Variants in PCDHA2 observed in about 807,000 individuals in gnomAD.
PCDHA2 encodes the protein protocadherin alpha-2.
PCDHA2 carries 58 observed loss-of-function variants against 66.0 expected under a neutral mutation model. The ratio of observed to expected loss-of-function variants is 0.88; its 90% CI spans 0.71 to 1.09. PCDHA2 has a LOEUF of 1.09. PCDHA2 is among the 50% of genes least tolerant of loss of function. The probability of loss-of-function intolerance (pLI) is 0.00; values close to 1 mark genes in which losing one functional copy is unlikely to be tolerated. For synonymous variants in PCDHA2, 634 were observed against 554.0 expected, an observed-to-expected ratio of 1.14 and a Z score of -2.03; for missense variants, 1,267 against 1,242.3, an observed-to-expected ratio of 1.02 and a Z score of -0.30.
chr5:140,926,919 A>C (rs782148872), intron 1 of PCDHA2: 2 of 1,566,668 alleles, frequency 1.3e-6, no homozygotes, highest in South Asian at 2.4e-5. Flanking sequence ...TGGCAGTTTT[A>C]TGTTTGTGGG....
At chr5:140,998,054 A>G (rs562918919) in intron 3 of PCDHA2, among the ~76,000 whole-genome samples, 37 of 152,304 alleles carry the variant, frequency 2.4e-4, no homozygotes, top group African/African-American at 8.9e-4. Flanking sequence ...CAGTGACATC[A>G]TCATCAACAG....
At chr5:140,994,726 G>A (rs774837274) in intron 3 of PCDHA2, among the ~76,000 whole-genome samples, 1 of 151,958 alleles carries the variant, frequency 6.6e-6, no homozygotes, top group Non-Finnish European at 1.5e-5. Flanking sequence ...TAAAATACTG[G>A]GTATTGCAGG....
chr5:140,794,880 G>T lies in PCDHA2; in HGVS notation c.-85G>T. 1 of 1,391,698 alleles carries T rather than the reference G, an allele frequency of 7.2e-7. No individual in the cohort carries two copies. The highest frequency in any genetic ancestry group is 9.8e-7 in the Non-Finnish European group (1 of 1,021,128). The allele number at this position is 1,391,698 out of a possible 1,614,324, so 86.2% of individuals were successfully genotyped here. A position where few individuals can be genotyped will look rare whatever the true frequency, so the allele number is the denominator to read the frequency against. On this transcript the variant is annotated 5_prime_UTR_variant, in exon 1 of 4. Coordinates refer to ENST00000526136, the MANE Select transcript of PCDHA2 (RefSeq NM_018905.3). ...TCAGAGAAGCGGAGGAATAAGAGAA[G>T]CAGCAGGACTTTAACAGAGACTAGA...
At chr5:140,992,044 T>A (rs1160444128) in intron 3 of PCDHA2, among the ~76,000 whole-genome samples, 1 of 151,788 alleles carries the variant, frequency 6.6e-6, no homozygotes, top group African/African-American at 2.4e-5. Flanking sequence ...TGTGTGTGTG[T>A]GTGTGTGTGT....
intron 1 of PCDHA2, chr5:140,827,833 A>G (rs1769423756): frequency 4.6e-6 from 2 of 432,110 alleles, no homozygotes; most frequent in Non-Finnish European, 8.0e-6. Context: ...AAAGTAGAGA[A>G]AAGAAGATAC....
intron 1 of PCDHA2, among the ~76,000 whole-genome samples, chr5:140,904,217 T>C (rs1554191375): frequency 6.6e-6 from 1 of 151,964 alleles, no homozygotes; most frequent in Non-Finnish European, 1.5e-5. Flanking sequence ...CCAAAGTCCA[T>C]TGTATTATAC....
chr5:140,914,619 T>G (rs1554196515), intron 1 of PCDHA2, among the ~76,000 whole-genome samples: 1 of 152,194 alleles, frequency 6.6e-6, no homozygotes, highest in African/African-American at 2.4e-5. Context: ...TTTTGTAATT[T>G]GTTTTCTCGT....
intron 3 of PCDHA2, among the ~76,000 whole-genome samples, chr5:140,984,059 C>G (rs1269975627): frequency 6.6e-6 from 1 of 152,108 alleles, no homozygotes; most frequent in East Asian, 1.9e-4. Context: ...CAAATCTGTA[C>G]CCTCAGTGCC....
At chr5:140,825,739 G>A (rs1335212262) in intron 1 of PCDHA2, 5 of 152,354 alleles carry the variant, frequency 3.3e-5, no homozygotes, top group Non-Finnish European at 5.9e-5. Context: ...TTATATTGAT[G>A]AGGAGTAACT....
At chr5:140,855,278 G>A (rs251360) in intron 1 of PCDHA2, among the ~76,000 whole-genome samples, 95,551 of 148,822 alleles carry the variant, frequency 0.64, 33,178 homozygotes, top group African/African-American at 0.69. Context: ...CTCAACCACC[G>A]TATTACTATT....
At chr5:140,923,275 C>CA (rs1328074482) in intron 1 of PCDHA2, among the ~76,000 whole-genome samples, 5 of 152,128 alleles carry the variant, frequency 3.3e-5, no homozygotes, top group African/African-American at 9.7e-5. Flanking sequence ...CTTGTCTCTA[C>CA]AAAAAATTAA....
In PCDHA2 at chr5:140,850,079, G is replaced by A. The variant is rs2150466050; in HGVS notation, c.2388+52727G>A. On this transcript the variant is annotated intron_variant, in intron 1 of 3. Coordinates refer to ENST00000526136, the MANE Select transcript of PCDHA2 (RefSeq NM_018905.3). ...TGCAGCCGTTGGACCACGAGGAGCTGGAGCTGCTACAGTTCCAGGTGAGCG... is the reference window on the plus strand; with the variant it reads ...TGCAGCCGTTGGACCACGAGGAGCTAGAGCTGCTACAGTTCCAGGTGAGCG... The A allele has an allele frequency of 1.6e-3, 2,619 of 1,596,602 alleles. 178 individuals are homozygous for A. In the African/African-American group the frequency reaches 0.028, roughly 17 times the overall value.
chr5:140,967,472 G>C (rs782183935), intron 1 of PCDHA2: 3 of 1,613,430 alleles, frequency 1.9e-6, no homozygotes, highest in Non-Finnish European at 2.5e-6. Flanking sequence ...GGGCATCCCA[G>C]CCCGCTCGGG....
chr5:140,990,055 C>T (rs1563562429), intron 3 of PCDHA2, among the ~76,000 whole-genome samples: 2 of 151,866 alleles, frequency 1.3e-5, no homozygotes, highest in Non-Finnish European at 1.5e-5. Context: ...GATGGTAATA[C>T]TTAAAGGAAA....
chr5:140,955,022 A>G (rs1468442096), intron 1 of PCDHA2, among the ~76,000 whole-genome samples: 2 of 152,182 alleles, frequency 1.3e-5, no homozygotes, highest in Non-Finnish European at 2.9e-5. Flanking sequence ...ACCATTTATT[A>G]AATAGGGAAT....
At chr5:140,887,072 C>T (rs1270434147) in intron 1 of PCDHA2, among the ~76,000 whole-genome samples, 1 of 151,836 alleles carries the variant, frequency 6.6e-6, no homozygotes, top group African/African-American at 2.4e-5. Context: ...CAAATTCACT[C>T]AGCTTTTGTC....
chr5:140,943,804 G>C (rs996208541), intron 1 of PCDHA2, among the ~76,000 whole-genome samples: 2 of 152,224 alleles, frequency 1.3e-5, no homozygotes, highest in Non-Finnish European at 2.9e-5. Flanking sequence ...AGCAAAAGAG[G>C]AAAGTTTGAA....
intron 1 of PCDHA2, chr5:140,857,957 G>T (rs2045052132): frequency 6.3e-7 from 1 of 1,597,294 alleles, no homozygotes; most frequent in African/African-American, 1.3e-5. Flanking sequence ...GCGCGCTCTG[G>T]ATGAGACTGA....
At chr5:140,904,303 G>A (rs1176685220) in intron 1 of PCDHA2, among the ~76,000 whole-genome samples, 3 of 151,902 alleles carry the variant, frequency 2.0e-5, no homozygotes, top group African/African-American at 7.3e-5. Flanking sequence ...CCATTCCTGA[G>A]TTTCTTCACT....
Sources: gnomAD v4.1 joint callset for allele counts (sites outside exome capture counted in the v4.1 genomes callset) on GRCh38, gnomAD v4.1.1 for gene constraint, MANE v1.5 for transcripts, NCBI Gene and HGNC (gene_info 2026-07-23, HGNC 2026-07-21) for gene names.